GPSM2: variants seen among roughly 807,000 people sequenced by gnomAD.
GPSM2 encodes G protein signaling modulator 2.
Under a neutral mutation model 78.4 loss-of-function variants are expected in GPSM2, and 58 were observed. That is an observed-to-expected ratio of 0.74 (90% CI 0.60 to 0.92). The LOEUF is 0.92. Ranked by LOEUF, GPSM2 falls within the 40% of genes least tolerant of loss-of-function variation. GPSM2 has a pLI of 0.00. For synonymous variants in GPSM2, 224 were observed against 280.2 expected (o/e 0.80, Z 2.00); for missense variants, 700 against 815.5 (o/e 0.86, Z 1.73).
At chr1:108,908,499 C>A (rs1014792396) in intron 10 of GPSM2, among the ~76,000 whole-genome samples, 1 of 151,468 alleles carries the variant, frequency 6.6e-6, no homozygotes, top group Non-Finnish European at 1.5e-5. Flanking sequence ...TTGGCTAACA[C>A]GGTGAAACCG....
Position 108,933,784 on chromosome 1 carries a change from A to C in GPSM2, c.*3844A>C, listed in dbSNP as rs1156359939. On this transcript the variant is annotated 3_prime_UTR_variant, in exon 15 of 15. Transcript: ENST00000264126. Reference sequence around the variant, plus strand: ...CTGATGTCCTGTCTGCAGTTAAGGAAGACACCCAACTCTCTTCTTCCTCAT... The same window carrying C: ...CTGATGTCCTGTCTGCAGTTAAGGACGACACCCAACTCTCTTCTTCCTCAT... The C allele has an allele frequency of 2.0e-5, 3 of 152,238 alleles. 1 individual carries two copies. The highest frequency in any genetic ancestry group is 4.8e-5 in the African/African-American group (2 of 41,466). The allele number at this position is 152,238 out of a possible 1,614,324, so 9.4% of individuals were successfully genotyped here. A position where few individuals can be genotyped will look rare whatever the true frequency, so the allele number is the denominator to read the frequency against.
chr1:108,922,893 G>A (rs1204540751), intron 13 of GPSM2, among the ~76,000 whole-genome samples: 1 of 152,162 alleles, frequency 6.6e-6, no homozygotes, highest in Non-Finnish European at 1.5e-5. Flanking sequence ...TACTTGGGAG[G>A]CTGAAGTGGG....
At chr1:108,909,868 ACT>A (rs1649566609) in intron 10 of GPSM2, 1 of 138,228 alleles carries the variant, frequency 7.2e-6, no homozygotes, top group African/African-American at 2.8e-5. Context: ...ACACCACTGC[ACT>A]CCAGCCTGGC....
At chr1:108,906,236 A>ATTTAT (rs987521265) in intron 10 of GPSM2, among the ~76,000 whole-genome samples, 15 of 151,954 alleles carry the variant, frequency 9.9e-5, no homozygotes, top group African/African-American at 2.4e-4. Context: ...ACTTTTATTT[A>ATTTAT]TTTATTTTAT....
chr1:108,917,611 C>CACACATATATATATAT (rs1312607573), intron 11 of GPSM2, among the ~76,000 whole-genome samples: 6 of 22,708 alleles, frequency 2.6e-4, no homozygotes, highest in African/African-American at 3.5e-4. Flanking sequence ...CACACACACA[C>CACACATATATATATAT]ATATATATAT....
chr1:108,897,867 C>T lies in GPSM2; in HGVS notation c.415-92C>T, dbSNP rs963924978. On this transcript the variant is annotated intron_variant, in intron 4 of 14. Coordinates refer to ENST00000264126, the MANE Select transcript of GPSM2 (RefSeq NM_013296.5). ...GGAGAGCCAATATAAAAATTTTTTT[C>T]CCTTGTCCGTAATACTAAGGATATT... The T allele has an allele frequency of 1.8e-4, 239 of 1,360,970 alleles. No individual in the cohort carries two copies. In the Middle Eastern group the frequency reaches 2.2e-3, roughly 13 times the overall value. 84.3% of individuals were successfully genotyped at this position (1,360,970 alleles called of 1,614,324 possible). A position where few individuals can be genotyped will look rare whatever the true frequency, so the allele number is the denominator to read the frequency against.
At chr1:108,912,067 C>CA (rs1408876448) in intron 10 of GPSM2, among the ~76,000 whole-genome samples, 1 of 152,068 alleles carries the variant, frequency 6.6e-6, no homozygotes, top group African/African-American at 2.4e-5. Flanking sequence ...CTCAGTCTCC[C>CA]AAAGTGCTGG....
Position 108,934,412 on chromosome 1 carries a change from G to A in GPSM2, c.*4472G>A. On this transcript the variant is annotated 3_prime_UTR_variant, in exon 15 of 15. Coordinates refer to ENST00000264126, the MANE Select transcript of GPSM2 (RefSeq NM_013296.5). Reference sequence around the variant, plus strand: ...CCAGAATCAGTGATGCCTGTCATCTGTTCATCTTAAAATAAACACTTCTTA... The same window carrying A: ...CCAGAATCAGTGATGCCTGTCATCTATTCATCTTAAAATAAACACTTCTTA... 1 of 454,438 alleles carries A rather than the reference G, an allele frequency of 2.2e-6. No homozygotes were observed. The highest frequency in any genetic ancestry group is 3.9e-6 in the Non-Finnish European group (1 of 258,252). The allele number at this position is 454,438 out of a possible 1,614,324, so 28.2% of individuals were successfully genotyped here.
In GPSM2 at chr1:108,916,260, G is replaced by GA. The variant is rs199744756; in HGVS notation, c.1263+1864dup. 3.9e-3 allele frequency among the ~76,000 whole-genome samples: 523 copies of GA among 134,124 alleles called. 3 individuals carry two copies. The highest frequency in any genetic ancestry group is 5.1e-3 in the Non-Finnish European group (319 of 62,240). The allele number at this position is 134,124 out of a possible 152,430, so 88.0% of individuals were successfully genotyped here. A position where few individuals can be genotyped will look rare whatever the true frequency, so the allele number is the denominator to read the frequency against. ...GGTGACAGAGTGAGACCCTGTCTCTGAAAAAAAAAAAAGAAAAAGGAACAT... is the reference window on the plus strand; with the variant it reads ...GGTGACAGAGTGAGACCCTGTCTCTGAAAAAAAAAAAAAGAAAAAGGAACAT... On this transcript the variant is annotated intron_variant, in intron 11 of 14. Transcript: ENST00000264126.
At position 108,885,448 on chromosome 1, in the gene GPSM2, C is replaced by G. The variant is rs372876670; in HGVS notation, c.-75C>G. The G allele has an allele frequency of 4.7e-4, 394 of 842,602 alleles. 1 individual carries two copies. The African/African-American group carries it at 5.8e-3, about 12-fold the overall frequency. 52.2% of individuals were successfully genotyped at this position (842,602 alleles called of 1,614,324 possible). Reference sequence around the variant, plus strand: ...TACTAACCGGACAATGTTCTACAAACAATTCTACATTGTAAAGGACTGGAT... The same window carrying G: ...TACTAACCGGACAATGTTCTACAAAGAATTCTACATTGTAAAGGACTGGAT... On this transcript the variant is annotated 5_prime_UTR_variant, in exon 2 of 15. Coordinates refer to ENST00000264126, the MANE Select transcript of GPSM2 (RefSeq NM_013296.5).
intron 14 of GPSM2, chr1:108,926,173 TCA>T (rs1334726545): frequency 6.6e-6 from 1 of 152,206 alleles, no homozygotes; most frequent in Non-Finnish European, 1.5e-5. Flanking sequence ...CACCTGAGGT[TCA>T]GTCACTGGAA....
Position 108,929,846 on chromosome 1 carries a change from A to G in GPSM2, c.1961A>G (p.Gln654Arg). 6.2e-7 allele frequency: 1 copy of G among 1,614,100 alleles called. No homozygotes were observed. Among genetic ancestry groups the G allele is most frequent in the Non-Finnish European group, 8.5e-7 (1 of 1,179,940 alleles). Residue 654 changes from glutamine (Q) to arginine (R), a missense_variant, in exon 15 of 15, where the codon CAA becomes CGA. Coordinates refer to ENST00000264126, the MANE Select transcript of GPSM2 (RefSeq NM_013296.5). ...DEQRVLLQRD[Q>R]NRDTDFGLKD... The stretch of plus-strand genomic sequence containing the variant: ...CAGAGAGTTCTTTTACAAAGAGATC[A>G]AAACAGAGACACTGACTTTGGGCTA...
intron 10 of GPSM2, among the ~76,000 whole-genome samples, chr1:108,912,331 AC>A (rs1178063483): frequency 1.3e-5 from 2 of 152,216 alleles, no homozygotes; most frequent in Non-Finnish European, 2.9e-5. Context: ...AGACAAATAG[AC>A]CAGTGGAATC....
At chr1:108,911,797 C>T (rs1570931121) in intron 10 of GPSM2, among the ~76,000 whole-genome samples, 1 of 91,596 alleles carries the variant, frequency 1.1e-5, no homozygotes, top group South Asian at 3.8e-4. Context: ...AGTGGGAAGA[C>T]AATTTTTTTT....
chr1:108,918,533 G>C (rs534523783), intron 11 of GPSM2, 80 bp from the exon 12 acceptor site: 4 of 1,030,858 alleles, frequency 3.9e-6, no homozygotes, highest in Admixed American at 3.4e-5. Flanking sequence ...GAGTACGTCA[G>C]GTTAATATTA....
chr1:108,923,961 GTT>G (rs770715946), intron 13 of GPSM2, 37 bp from the exon 14 acceptor site: 1 of 1,362,660 alleles, frequency 7.3e-7, no homozygotes, highest in Non-Finnish European at 1.0e-6. Flanking sequence ...TTTGTTTTTT[GTT>G]TTTTTTTAAT....
In GPSM2 at chr1:108,897,996, T is replaced by G; in HGVS notation, c.452T>G (p.Val151Gly). Residue 151 changes from valine (V) to glycine (G), a missense_variant, in exon 5 of 15, where the codon GTG becomes GGG. By Grantham distance (109) the Val-to-Gly change is moderately radical. Transcript: ENST00000264126. ...EARALYNLGN[V>G]YHAKGKSFGC... ...AGAGCACTTTACAATCTTGGGAATG[T>G]GTATCATGCCAAAGGGAAAAGTTTT... The G allele has an allele frequency of 6.2e-7, 1 of 1,613,962 alleles. No homozygotes were observed.
chr1:108,915,752 C>G (rs762054792), intron 11 of GPSM2, among the ~76,000 whole-genome samples: 1 of 151,946 alleles, frequency 6.6e-6, no homozygotes, highest in Non-Finnish European at 1.5e-5. Flanking sequence ...TTTTATTTAG[C>G]CACTGTGGTA....
At chr1:108,898,457 T>G (rs1330119388) in intron 5 of GPSM2, among the ~76,000 whole-genome samples, 185 bp from the exon 6 acceptor site, 1 of 152,230 alleles carries the variant, frequency 6.6e-6, no homozygotes, top group Non-Finnish European at 1.5e-5. Context: ...CTGAATAGTT[T>G]AATAAAGTGT....
Sources: gnomAD v4.1 joint callset for allele counts (sites outside exome capture counted in the v4.1 genomes callset) on GRCh38, gnomAD v4.1.1 for gene constraint, MANE v1.5 for transcripts, NCBI Gene and HGNC (gene_info 2026-07-23, HGNC 2026-07-21) for gene names.